CERKL: variants seen among roughly 807,000 people sequenced by gnomAD.
CERKL encodes CERK like autophagy regulator, also known as ceramide kinase-like protein.
A neutral mutation model predicts 63.4 loss-of-function variants in CERKL; 61 were observed. That is an observed-to-expected ratio of 0.96 (90% CI 0.78 to 1.19). The LOEUF is 1.19. CERKL is among the 50% of genes most tolerant of loss of function. The probability of loss-of-function intolerance (pLI) is 0.00; values close to 1 mark genes in which losing one functional copy is unlikely to be tolerated. For missense variants in CERKL, 675 were observed against 655.5 expected, an observed-to-expected ratio of 1.03 and a Z score of -0.33; for synonymous variants, 250 against 230.5, an observed-to-expected ratio of 1.08 and a Z score of -0.77.
In CERKL at chr2:181,538,235, TGGA is replaced by T; in HGVS notation, c.1545_1547del (p.His515_Pro516delinsGln). The T allele has an allele frequency of 2.5e-6, 4 of 1,582,350 alleles. No homozygotes were observed. The highest frequency in any genetic ancestry group is 1.1e-5 in the South Asian group (1 of 90,356). ...TTCCTCCATAAAGACTGATAAGTCT[TGGA>T]TGCAATCTGTAAAGAAAATACATTA... On this transcript the variant is annotated inframe_deletion, in exon 13 of 13. Coordinates refer to ENST00000410087, the MANE Select transcript of CERKL (RefSeq NM_201548.5).
At chr2:181,559,967 A>C (rs572033814) in intron 4 of CERKL, among the ~76,000 whole-genome samples, 1 of 152,208 alleles carries the variant, frequency 6.6e-6, no homozygotes, top group Non-Finnish European at 1.5e-5. Flanking sequence ...TCTTATGTCT[A>C]AACTGATTCC....
intron 6 of CERKL, 79 bp downstream of exon 6, chr2:181,549,555 C>T: frequency 2.6e-6 from 3 of 1,141,670 alleles, no homozygotes; most frequent in Non-Finnish European, 4.0e-6. Context: ...TTCTTAAAGT[C>T]TGATGGAAAT....
chr2:181,561,192 C>G (rs1296875067), intron 4 of CERKL, among the ~76,000 whole-genome samples: 1 of 151,930 alleles, frequency 6.6e-6, no homozygotes, highest in Non-Finnish European at 1.5e-5. Context: ...GGGTGGATCA[C>G]GAGGTCAGGA....
At chr2:181,618,283 A>G (rs1198203625) in intron 1 of CERKL, among the ~76,000 whole-genome samples, 10 of 141,714 alleles carry the variant, frequency 7.1e-5, no homozygotes, top group African/African-American at 2.3e-4. Context: ...TTTTTTTTTT[A>G]GAAAAGGGAG....
rs1688622174 is a variant in CERKL, at chr2:181,565,447, T to C, written c.677+611A>G. The C allele has an allele frequency of 6.2e-7, 1 of 1,612,062 alleles. No homozygotes were observed. The highest frequency in any genetic ancestry group is 1.3e-5 in the African/African-American group (1 of 74,868). On this transcript the variant is annotated intron_variant, in intron 4 of 12. Coordinates refer to ENST00000410087, the MANE Select transcript of CERKL (RefSeq NM_201548.5). The stretch of plus-strand genomic sequence containing the variant: ...ATATCACTTGCCTTGGTTCTAACGT[T>C]TGCATGCCAGTGAACAATCTCTGTA...
chr2:181,578,310 TAG>T (rs1366935646), intron 2 of CERKL, among the ~76,000 whole-genome samples: 2 of 151,616 alleles, frequency 1.3e-5, no homozygotes, highest in Non-Finnish European at 1.5e-5. Context: ...AGAAAAGAGA[TAG>T]AGAGATGAAT....
intron 2 of CERKL, among the ~76,000 whole-genome samples, chr2:181,583,842 C>T (rs2105864211): frequency 6.6e-6 from 1 of 152,256 alleles, no homozygotes; most frequent in Middle Eastern, 3.4e-3. Context: ...CTTGATCAGA[C>T]ACTAGTTGGT....
At chr2:181,612,140 T>C (rs549578712) in intron 1 of CERKL, among the ~76,000 whole-genome samples, 4 of 152,234 alleles carry the variant, frequency 2.6e-5, no homozygotes, top group Non-Finnish European at 5.9e-5. Context: ...TGGTCACACA[T>C]CTGGTAGGAA....
chr2:181,537,061 CA>C lies in CERKL; in HGVS notation c.*1122del. On this transcript the variant is annotated 3_prime_UTR_variant, in exon 13 of 13. Transcript: ENST00000410087. The stretch of plus-strand genomic sequence containing the variant: ...GCATTTGAGTAGTGAAATGTAAGCA[CA>C]AAACCTCCTGAACCCAGAGTGTGTA... The C allele has an allele frequency of 2.3e-6, 1 of 444,430 alleles. No homozygotes were observed. 27.5% of individuals were successfully genotyped at this position (444,430 alleles called of 1,614,324 possible). A position where few individuals can be genotyped will look rare whatever the true frequency, so the allele number is the denominator to read the frequency against.
chr2:181,598,327 TACAG>T (rs1685307015), intron 2 of CERKL, among the ~76,000 whole-genome samples: 1 of 152,084 alleles, frequency 6.6e-6, no homozygotes, highest in African/African-American at 2.4e-5. Context: ...ATGCATAACC[TACAG>T]ACAGACTATG....
intron 1 of CERKL, among the ~76,000 whole-genome samples, chr2:181,629,223 A>G (rs1208771222): frequency 6.6e-6 from 1 of 152,230 alleles, no homozygotes; most frequent in African/African-American, 2.4e-5. Context: ...AGAATGCCTA[A>G]CCAAAAAAAA....
intron 2 of CERKL, among the ~76,000 whole-genome samples, chr2:181,580,765 T>C (rs1482053706): frequency 6.6e-6 from 1 of 152,198 alleles, no homozygotes; most frequent in African/African-American, 2.4e-5. Context: ...ATGCAAGTTC[T>C]ATAAATAAAA....
intron 2 of CERKL, among the ~76,000 whole-genome samples, chr2:181,578,264 G>T (rs993842923): frequency 5.3e-5 from 8 of 151,622 alleles, no homozygotes; most frequent in African/African-American, 1.9e-4. Context: ...GTGTGGGGGG[G>T]TATGTGTATG....
At chr2:181,601,762 G>A (rs530326157) in intron 2 of CERKL, among the ~76,000 whole-genome samples, 53 of 152,122 alleles carry the variant, frequency 3.5e-4, no homozygotes, top group Non-Finnish European at 4.9e-4. Context: ...TAATGTATCA[G>A]TCAGTCTTGG....
At chr2:181,635,593 A>G (rs1687144757) in intron 1 of CERKL, among the ~76,000 whole-genome samples, 1 of 152,162 alleles carries the variant, frequency 6.6e-6, no homozygotes, top group South Asian at 2.1e-4. Context: ...AATATAAGGA[A>G]ACCAATACAT....
intron 1 of CERKL, among the ~76,000 whole-genome samples, chr2:181,605,260 G>A (rs1294130297): frequency 6.6e-6 from 1 of 152,178 alleles, no homozygotes; most frequent in African/African-American, 2.4e-5. Flanking sequence ...AGAACTGGGG[G>A]TTCAGGAAGG....
At chr2:181,616,199 A>G (rs1686185590) in intron 1 of CERKL, among the ~76,000 whole-genome samples, 1 of 144,006 alleles carries the variant, frequency 6.9e-6, no homozygotes, top group South Asian at 2.2e-4. Context: ...AACAGTCAAA[A>G]ATCTAAATTT....
chr2:181,554,033 C>T (rs1367807569), intron 5 of CERKL, among the ~76,000 whole-genome samples: 1 of 151,998 alleles, frequency 6.6e-6, no homozygotes, highest in Non-Finnish European at 1.5e-5. Flanking sequence ...TTTTTCTTAA[C>T]ACTACCAGAA....
chr2:181,641,348 TATATATACACA>T (rs1559120218), intron 1 of CERKL, among the ~76,000 whole-genome samples: 13 of 11,880 alleles, frequency 1.1e-3, no homozygotes, highest in East Asian at 0.016. Context: ...TATATATACA[TATATATACACA>T]TATTTTTTTC....
Sources: gnomAD v4.1 joint callset for allele counts (sites outside exome capture counted in the v4.1 genomes callset) on GRCh38, gnomAD v4.1.1 for gene constraint, MANE v1.5 for transcripts, NCBI Gene and HGNC (gene_info 2026-07-23, HGNC 2026-07-21) for gene names.